The following ADAM17 variants were observed in gnomAD, a reference collection of about 807,000 sequenced individuals.
The protein encoded by ADAM17 is ADAM metallopeptidase domain 17.
In ADAM17, 39 loss-of-function variants were observed where a neutral mutation model predicts 96.7. The observed-to-expected ratio is 0.40, with a 90% CI of 0.31 to 0.53. ADAM17 has a LOEUF of 0.53. Among genes scored for constraint, ADAM17 ranks in the 20% least tolerant of loss-of-function variants. The probability of loss-of-function intolerance (pLI) is 0.44; values close to 1 mark genes in which losing one functional copy is unlikely to be tolerated. For missense variants in ADAM17, 777 were observed against 1,013.2 expected, an observed-to-expected ratio of 0.77 and a Z score of 3.17; for synonymous variants, 344 against 359.2, an observed-to-expected ratio of 0.96 and a Z score of 0.48.
intron 13 of ADAM17, among the ~76,000 whole-genome samples, chr2:9,500,459 T>A (rs921321469): frequency 6.6e-6 from 1 of 152,194 alleles, no homozygotes; most frequent in Non-Finnish European, 1.5e-5. Context: ...TCTGGAGTAA[T>A]GTAAATGTTC....
intron 7 of ADAM17, chr2:9,522,374 AG>A: frequency 1.8e-6 from 1 of 555,582 alleles, no homozygotes. Context: ...GACAATAAAC[AG>A]GCTGCAGAGA....
chr2:9,516,827 C>T (rs1019500793), intron 10 of ADAM17, among the ~76,000 whole-genome samples: 1 of 152,032 alleles, frequency 6.6e-6, no homozygotes, highest in Non-Finnish European at 1.5e-5. Flanking sequence ...CATCTCTCTC[C>T]CCTTCTTCCT....
At chr2:9,496,407 GGT>G (rs1662602890) in intron 14 of ADAM17, 2 of 151,674 alleles carry the variant, frequency 1.3e-5, no homozygotes, top group South Asian at 4.1e-4. Context: ...TGGGATTACA[GGT>G]GTGAGTCACC....
At chr2:9,529,460 A>G (rs1305818523) in intron 4 of ADAM17, among the ~76,000 whole-genome samples, 1 of 151,682 alleles carries the variant, frequency 6.6e-6, no homozygotes, top group East Asian at 1.9e-4. Context: ...CAAAAAAATA[A>G]AAAAATTGAA....
intron 11 of ADAM17, among the ~76,000 whole-genome samples, chr2:9,509,552 T>G (rs985500574): frequency 6.6e-6 from 1 of 152,222 alleles, no homozygotes; most frequent in Non-Finnish European, 1.5e-5. Flanking sequence ...CCCATGAGGC[T>G]TGTAGTCAGG....
At chr2:9,546,284 A>G (rs1665400104) in intron 1 of ADAM17, among the ~76,000 whole-genome samples, 1 of 152,194 alleles carries the variant, frequency 6.6e-6, no homozygotes, top group South Asian at 2.1e-4. Context: ...TTTTAAATGT[A>G]GCTTGCTAAA....
intron 17 of ADAM17, among the ~76,000 whole-genome samples, 157 bp downstream of exon 17, chr2:9,492,741 C>T (rs1164374804): frequency 4.6e-5 from 7 of 152,058 alleles, no homozygotes; most frequent in African/African-American, 9.7e-5. Flanking sequence ...AAGCTTTCTA[C>T]AAGACATGTT....
At chr2:9,531,920 G>A (rs530823147) in intron 4 of ADAM17, among the ~76,000 whole-genome samples, 12 of 152,216 alleles carry the variant, frequency 7.9e-5, no homozygotes, top group African/African-American at 2.6e-4. Context: ...AACACAGTGA[G>A]ACCTCATCAA....
intron 12 of ADAM17, among the ~76,000 whole-genome samples, chr2:9,503,855 A>C (rs562477742): frequency 6.6e-6 from 1 of 151,098 alleles, no homozygotes; most frequent in South Asian, 2.1e-4. Context: ...AAAAAAAAGA[A>C]ATAAAAGATT....
intron 11 of ADAM17, 115 bp from the exon 12 acceptor site, chr2:9,505,480 AC>A: frequency 9.2e-7 from 1 of 1,092,114 alleles, no homozygotes; most frequent in Admixed American, 2.1e-5. Flanking sequence ...CATCAGAGCC[AC>A]CCTGGAGTTA....
chr2:9,549,286 G>A (rs545519619), intron 1 of ADAM17, among the ~76,000 whole-genome samples: 8 of 152,222 alleles, frequency 5.3e-5, no homozygotes, highest in African/African-American at 1.9e-4. Flanking sequence ...CAGGAGAATC[G>A]CTTGAACCCG....
intron 6 of ADAM17, among the ~76,000 whole-genome samples, chr2:9,523,906 T>G (rs1220391453): frequency 6.6e-6 from 1 of 151,892 alleles, no homozygotes; most frequent in East Asian, 1.9e-4. Context: ...GACAAGGTCT[T>G]GCTCTGTCAC....
At chr2:9,498,698 T>TCAA (rs1333268801) in intron 13 of ADAM17, among the ~76,000 whole-genome samples, 1 of 152,210 alleles carries the variant, frequency 6.6e-6, no homozygotes, top group African/African-American at 2.4e-5. Context: ...ATTCATCATG[T>TCAA]CAACAGTCAT....
chr2:9,502,156 G>A lies in ADAM17; in HGVS notation c.1648+17C>T, dbSNP rs764128989. On this transcript the variant is annotated intron_variant, in intron 13 of 18. Transcript: ENST00000310823. ...ACTTGACCCACAGCATTCCAAGGAA[G>A]CAACAAGAACACGAACCTGTGCAGT... 1.9e-6 allele frequency: 3 copies of A among 1,603,812 alleles called. No individual in the cohort carries two copies. Among genetic ancestry groups the A allele is most frequent in the Admixed American group, 3.3e-5 (2 of 59,836 alleles).
At position 9,509,970 on chromosome 2, in the gene ADAM17, C is replaced by G. The variant is rs1273442153; in HGVS notation, c.1344+9G>C. ...CAAACCACATAAAAAATTCTCGACA[C>G]ACACATACCTTATTGTTCTCGTGAT... On this transcript the variant is annotated intron_variant, in intron 11 of 18. Transcript: ENST00000310823. 1 of 1,613,558 alleles carries G rather than the reference C, an allele frequency of 6.2e-7. No individual in the cohort carries two copies. The highest frequency in any genetic ancestry group is 2.2e-5 in the East Asian group (1 of 44,874).
rs894954783 is a variant in ADAM17, at chr2:9,499,115, T to TC, written c.1649-1868_1649-1867insG. On this transcript the variant is annotated intron_variant, in intron 13 of 18. Coordinates refer to ENST00000310823, the MANE Select transcript of ADAM17 (RefSeq NM_003183.6). ...AATTGCTTTTTTTCTTTCTTCTTCT[T>TC]TTTTTTTTTTTTTTTTGAGGTTGTT... Among the ~76,000 whole-genome samples the TC allele has an allele frequency of 5.9e-4, 21 of 35,874 alleles. No homozygotes were observed. In the South Asian group the frequency reaches 9.1e-3, roughly 16 times the overall value. The allele number at this position is 35,874 out of a possible 152,430, so 23.5% of individuals were successfully genotyped here. A position where few individuals can be genotyped will look rare whatever the true frequency, so the allele number is the denominator to read the frequency against.
At chr2:9,513,589 A>G (rs1191119933) in intron 10 of ADAM17, among the ~76,000 whole-genome samples, 3 of 152,078 alleles carry the variant, frequency 2.0e-5, no homozygotes, top group African/African-American at 4.8e-5. Context: ...ACTGCTTGAT[A>G]TGTAGGGGGA....
chr2:9,551,708 C>T (rs1435115528), intron 1 of ADAM17, among the ~76,000 whole-genome samples: 2 of 152,220 alleles, frequency 1.3e-5, no homozygotes, highest in Non-Finnish European at 2.9e-5. Flanking sequence ...ATCCACCCAG[C>T]TCGGCCTCCC....
At chr2:9,514,950 T>C (rs1408325990) in intron 10 of ADAM17, among the ~76,000 whole-genome samples, 1 of 152,162 alleles carries the variant, frequency 6.6e-6, no homozygotes, top group African/African-American at 2.4e-5. Flanking sequence ...TTTATCACAC[T>C]ACAGCCTCTA....
Sources: allele counts gnomAD v4.1 joint callset (sites outside exome capture counted in the v4.1 genomes callset), GRCh38; gene constraint gnomAD v4.1.1; transcripts MANE v1.5; gene names NCBI Gene and HGNC (gene_info 2026-07-23, HGNC 2026-07-21).